Variants in MGAT5 observed in about 807,000 individuals in gnomAD.
MGAT5 encodes the protein alpha-1,6-mannosylglycoprotein 6-beta-N-acetylglucosaminyltransferase.
In MGAT5, 30 loss-of-function variants were observed where a neutral mutation model predicts 94.3. The ratio of observed to expected loss-of-function variants is 0.32; its 90% confidence interval spans 0.24 to 0.43. The LOEUF (loss-of-function observed/expected upper bound fraction) is 0.43. Among genes scored for constraint, MGAT5 ranks in the 20% least tolerant of loss-of-function variants. The probability of loss-of-function intolerance (pLI) is 1.00; values close to 1 mark genes in which losing one functional copy is unlikely to be tolerated. For missense variants in MGAT5, 691 were observed against 905.5 expected (o/e 0.76, Z 3.04); for synonymous variants, 310 against 322.9 (o/e 0.96, Z 0.43).
intron 1 of MGAT5, among the ~76,000 whole-genome samples, chr2:134,264,164 A>G (rs1031724434): frequency 7.9e-5 from 12 of 151,842 alleles, no homozygotes; most frequent in African/African-American, 2.9e-4. Flanking sequence ...CTGGGATTAC[A>G]GGCATGTGCC....
In MGAT5 at chr2:134,412,852, G is replaced by C. The variant is rs757969855; in HGVS notation, c.1531-17G>C. The C allele has an allele frequency of 6.2e-7, 1 of 1,613,806 alleles. No individual in the cohort carries two copies. The highest frequency in any genetic ancestry group is 1.7e-5 in the Admixed American group (1 of 59,986). ...TGCCTGATGTGTTCATACGCTGTGT[G>C]GTTTTCTGTCTTACAGTTGTTTGTT... is the stretch of plus-strand genomic sequence containing the variant. On this transcript the variant is annotated splice_polypyrimidine_tract_variant and intron_variant, in intron 11 of 15. Transcript: ENST00000281923.
chr2:134,190,745 A>G (rs1410400592), intron 1 of MGAT5, among the ~76,000 whole-genome samples: 2 of 152,110 alleles, frequency 1.3e-5, no homozygotes, highest in African/African-American at 4.8e-5. Context: ...CCCCAGGCTC[A>G]GGTGATACTC....
chr2:134,323,960 T>C (rs1047698960), intron 4 of MGAT5, among the ~76,000 whole-genome samples: 1 of 152,144 alleles, frequency 6.6e-6, no homozygotes, highest in South Asian at 2.1e-4. Flanking sequence ...GTAATTACTC[T>C]GAATGTCATT....
intron 1 of MGAT5, among the ~76,000 whole-genome samples, chr2:134,148,884 G>A (rs1259165107): frequency 1.3e-5 from 2 of 149,110 alleles, no homozygotes; most frequent in East Asian, 2.0e-4. Flanking sequence ...TCAGCCTCCC[G>A]AGTAGCTGGA....
intron 4 of MGAT5, among the ~76,000 whole-genome samples, chr2:134,322,665 A>G (rs1335506354): frequency 6.6e-6 from 1 of 152,072 alleles, no homozygotes. Flanking sequence ...ATCCTGGACA[A>G]TATCTGTGGC....
intron 1 of MGAT5, among the ~76,000 whole-genome samples, chr2:134,269,550 T>G (rs935336127): frequency 6.6e-6 from 1 of 152,226 alleles, no homozygotes; most frequent in East Asian, 1.9e-4. Flanking sequence ...TCTGTGATTA[T>G]GAATTTTTAG....
chr2:134,420,289 T>C (rs920130693), intron 12 of MGAT5, among the ~76,000 whole-genome samples: 2 of 152,136 alleles, frequency 1.3e-5, no homozygotes, highest in Non-Finnish European at 2.9e-5. Context: ...AGTGTTGAAT[T>C]CAGAAGTGTG....
At chr2:134,225,477 T>G (rs1298698972) in intron 1 of MGAT5, among the ~76,000 whole-genome samples, 2 of 152,044 alleles carry the variant, frequency 1.3e-5, no homozygotes, top group Non-Finnish European at 2.9e-5. Context: ...TCTTGCCGTG[T>G]TTTAGTTTAA....
intron 12 of MGAT5, among the ~76,000 whole-genome samples, chr2:134,416,474 C>CTTTTTTTTTTTTTTTTTTTTTTTTTTTTT (rs71275904): frequency 1.4e-5 from 2 of 139,174 alleles, no homozygotes; most frequent in African/African-American, 5.5e-5. Context: ...TCATTCCTTA[C>CTTTTTTTTTTTTTTTTTTTTTTTTTTTTT]TTTTTTTTTT....
At chr2:134,350,676 G>A (rs77337593) in intron 9 of MGAT5, among the ~76,000 whole-genome samples, 3,258 of 152,186 alleles carry the variant, frequency 0.021, 125 homozygotes, top group African/African-American at 0.075. Context: ...TTTCTAATTA[G>A]CTGAGGACTG....
chr2:134,296,968 G>A (rs1025624826), intron 2 of MGAT5, among the ~76,000 whole-genome samples: 1 of 152,076 alleles, frequency 6.6e-6, no homozygotes. Context: ...GGAGGCAGAG[G>A]CGGGAGGAGT....
intron 9 of MGAT5, among the ~76,000 whole-genome samples, chr2:134,351,538 C>T (rs1679386796): frequency 6.6e-6 from 1 of 152,092 alleles, no homozygotes; most frequent in African/African-American, 2.4e-5. Flanking sequence ...CAGAGTCCTG[C>T]AAACCTATTT....
intron 10 of MGAT5, among the ~76,000 whole-genome samples, chr2:134,395,139 A>G (rs1393034241): frequency 6.6e-6 from 1 of 152,236 alleles, no homozygotes; most frequent in Admixed American, 6.5e-5. Context: ...GGACCATGCC[A>G]ATCAGAGTAG....
intron 1 of MGAT5, among the ~76,000 whole-genome samples, chr2:134,149,265 C>T (rs1174225098): frequency 6.6e-6 from 1 of 152,138 alleles, no homozygotes; most frequent in Non-Finnish European, 1.5e-5. Context: ...AAGAAAGCTT[C>T]CTTACAGGGC....
chr2:134,306,636 GT>G (rs1240084382), intron 2 of MGAT5, among the ~76,000 whole-genome samples: 1 of 152,082 alleles, frequency 6.6e-6, no homozygotes, highest in African/African-American at 2.4e-5. Context: ...TACTTCGGAA[GT>G]TTGTCCTGAG....
intron 2 of MGAT5, among the ~76,000 whole-genome samples, chr2:134,311,862 G>C (rs968763622): frequency 6.6e-6 from 1 of 152,166 alleles, no homozygotes; most frequent in African/African-American, 2.4e-5. Context: ...ATTGATCCTA[G>C]GCAATTAGAA....
chr2:134,409,398 C>T (rs1683520509), intron 11 of MGAT5, among the ~76,000 whole-genome samples: 1 of 152,178 alleles, frequency 6.6e-6, no homozygotes, highest in African/African-American at 2.4e-5. Context: ...ACAGAAGCAC[C>T]TAGCAGTGTG....
chr2:134,252,715 C>T (rs1487737674), upstream of MGAT5, among the ~76,000 whole-genome samples: 1 of 152,110 alleles, frequency 6.6e-6, no homozygotes, highest in Admixed American at 6.5e-5. Context: ...TATTTTAGGC[C>T]TTCTGGGCTA....
chr2:134,329,741 G>A lies in MGAT5; in HGVS notation c.574-6476G>A, dbSNP rs114086223. Among the ~76,000 whole-genome samples, 981 of 152,060 alleles carry A rather than the reference G, an allele frequency of 6.5e-3. 11 individuals are homozygous for A. The highest frequency in any genetic ancestry group is 0.022 in the African/African-American group (919 of 41,480). On this transcript the variant is annotated intron_variant, in intron 4 of 15. Transcript: ENST00000281923. ...TGTAAAGGGCTTATCCTCATGCTTG[G>A]CTCCTAGTACATCGCAACTTTTATT...
Sources: allele counts gnomAD v4.1 joint callset (sites outside exome capture counted in the v4.1 genomes callset), GRCh38; gene constraint gnomAD v4.1.1; transcripts MANE v1.5; gene names NCBI Gene and HGNC (gene_info 2026-07-23, HGNC 2026-07-21).